ZFHX3: variants seen among roughly 807,000 people sequenced by gnomAD.
ZFHX3 encodes zinc finger homeobox protein 3.
A neutral mutation model predicts 279.1 loss-of-function variants in ZFHX3; 42 were observed. That is an observed-to-expected ratio of 0.15 (90% CI 0.12 to 0.19). The LOEUF is 0.19. Among genes scored for constraint, ZFHX3 ranks in the 10% least tolerant of loss-of-function variants. The pLI, the probability that ZFHX3 is intolerant of heterozygous loss-of-function variation, is 1.00. For missense variants in ZFHX3, 4,981 were observed against 4,754.0 expected (o/e 1.05, Z -1.40); for synonymous variants, 2,293 against 1,957.8 (o/e 1.17, Z -4.52).
intron 1 of ZFHX3, among the ~76,000 whole-genome samples, chr16:73,708,879 A>C (rs1320135562): frequency 6.6e-6 from 1 of 152,230 alleles, no homozygotes; most frequent in Non-Finnish European, 1.5e-5. Flanking sequence ...GAGAAAGAGC[A>C]TAACAAAGTC....
At chr16:73,625,493 T>A (rs1441906845) in intron 2 of ZFHX3, among the ~76,000 whole-genome samples, 1 of 152,238 alleles carries the variant, frequency 6.6e-6, no homozygotes, top group Non-Finnish European at 1.5e-5. Flanking sequence ...AGATATCCAT[T>A]ATGTATATAA....
chr16:73,442,517 C>G (rs1027850267), intron 3 of ZFHX3, among the ~76,000 whole-genome samples: 2 of 151,798 alleles, frequency 1.3e-5, no homozygotes, highest in African/African-American at 4.8e-5. Flanking sequence ...CTTTTGTGTG[C>G]GTAGTTAACC....
At chr16:73,666,822 T>C (rs1224957555) in intron 2 of ZFHX3, among the ~76,000 whole-genome samples, 1 of 151,898 alleles carries the variant, frequency 6.6e-6, no homozygotes, top group Non-Finnish European at 1.5e-5. Flanking sequence ...CTTTACCTGG[T>C]TTTGCTTTTT....
At chr16:73,376,632 G>T (rs1329662529) in intron 3 of ZFHX3, among the ~76,000 whole-genome samples, 4 of 152,144 alleles carry the variant, frequency 2.6e-5, no homozygotes, top group African/African-American at 9.7e-5. Flanking sequence ...TTAATTCATG[G>T]TGTTTATAAT....
At chr16:73,325,724 A>C (rs1331043274) in intron 3 of ZFHX3, among the ~76,000 whole-genome samples, 1 of 152,004 alleles carries the variant, frequency 6.6e-6, no homozygotes, top group Non-Finnish European at 1.5e-5. Flanking sequence ...AAGCCTTTTC[A>C]CCTCCAAGAA....
chr16:73,389,440 GTCTT>G (rs754669159), intron 3 of ZFHX3, among the ~76,000 whole-genome samples: 10 of 152,262 alleles, frequency 6.6e-5, no homozygotes, highest in Non-Finnish European at 1.0e-4. Context: ...TTGTCAAAAG[GTCTT>G]TCTCTTATCT....
At chr16:72,932,752 G>A (rs909349663) in intron 3 of ZFHX3, among the ~76,000 whole-genome samples, 2 of 151,474 alleles carry the variant, frequency 1.3e-5, no homozygotes, top group South Asian at 2.1e-4. Context: ...TAAAAATAAC[G>A]TCAGTTGTGT....
intron 1 of ZFHX3, among the ~76,000 whole-genome samples, chr16:73,885,834 G>C (rs1567440198): frequency 6.6e-6 from 1 of 152,068 alleles, no homozygotes; most frequent in Non-Finnish European, 1.5e-5. Flanking sequence ...AACACTGCAA[G>C]TCACTTTCAC....
intron 1 of ZFHX3, among the ~76,000 whole-genome samples, chr16:73,043,223 C>CCCCTCTGGAAA (rs1965178612): frequency 6.6e-6 from 1 of 152,292 alleles, no homozygotes; most frequent in Middle Eastern, 3.4e-3. Context: ...CCAGCTAAGG[C>CCCCTCTGGAAA]CCCTCTGGAA....
chr16:73,074,058 T>C (rs747806377), intron 8 of ZFHX3, among the ~76,000 whole-genome samples: 5 of 152,230 alleles, frequency 3.3e-5, no homozygotes, highest in Non-Finnish European at 7.3e-5. Flanking sequence ...TTATCAGTTT[T>C]TGTCAAACTA....
chr16:73,364,304 T>C (rs920837387), intron 3 of ZFHX3, among the ~76,000 whole-genome samples: 13 of 151,256 alleles, frequency 8.6e-5, no homozygotes, highest in Admixed American at 7.9e-4. Context: ...GTGTCTTTAA[T>C]TTTTTCCTGT....
chr16:73,240,328 C>T (rs1053765996), intron 5 of ZFHX3, among the ~76,000 whole-genome samples: 8 of 152,000 alleles, frequency 5.3e-5, no homozygotes, highest in Admixed American at 5.2e-4. Context: ...AAGTGATTCT[C>T]CAGCCTCAGC....
chr16:73,510,915 AC>A (rs541158716), intron 2 of ZFHX3, among the ~76,000 whole-genome samples: 95 of 152,340 alleles, frequency 6.2e-4, no homozygotes, highest in African/African-American at 2.1e-3. Flanking sequence ...CCTCTACCCT[AC>A]AGTCTATTCT....
In ZFHX3 at chr16:73,018,651, T is replaced by A. The variant is rs537312654; in HGVS notation, c.-50+29101A>T. Among the ~76,000 whole-genome samples the A allele has an allele frequency of 1.9e-4, 29 of 152,284 alleles. 1 individual carries two copies. The South Asian group carries it at 5.0e-3, about 26-fold the overall frequency. Reference sequence around the variant, plus strand: ...AATAATAAATGGCAAGAATTTTCTTTAATTGGCATTTTGTGGGGATTCACC... The same window carrying A: ...AATAATAAATGGCAAGAATTTTCTTAAATTGGCATTTTGTGGGGATTCACC... On this transcript the variant is annotated intron_variant, in intron 1 of 9. Transcript: ENST00000268489.
Position 72,958,241 on chromosome 16 carries a change from G to C in ZFHX3, c.1905C>G (p.Pro635=), listed in dbSNP as rs1309052897. ...TGGGGCACTCCACGCCACTCCCCGA[G>C]GGGCACTCCCCAACCCCAAGCTCGC... The part of the protein sequence containing the change: ...SLCELGVGEC[P]SGSGVECPKC... The change falls in exon 2 of 10, where the codon CCC becomes CCG. Residue 635 remains proline (P), a synonymous_variant. Transcript: ENST00000268489. 2 of 1,612,784 alleles carry C rather than the reference G, an allele frequency of 1.2e-6. No homozygotes were observed. Among genetic ancestry groups the C allele is most frequent in the Admixed American group, 1.7e-5 (1 of 59,982 alleles).
At chr16:73,466,213 G>A (rs2018568213) in intron 2 of ZFHX3, among the ~76,000 whole-genome samples, 1 of 152,122 alleles carries the variant, frequency 6.6e-6, no homozygotes, top group East Asian at 1.9e-4. Flanking sequence ...CAGGCACGGT[G>A]GCTCATGCCT....
At chr16:73,568,943 T>G (rs904206119) in intron 2 of ZFHX3, among the ~76,000 whole-genome samples, 2 of 152,064 alleles carry the variant, frequency 1.3e-5, no homozygotes, top group Non-Finnish European at 2.9e-5. Flanking sequence ...CAGAATGTCA[T>G]GTGCCTCCGG....
chr16:73,774,971 T>C (rs2054060415), intron 1 of ZFHX3, among the ~76,000 whole-genome samples: 1 of 152,192 alleles, frequency 6.6e-6, no homozygotes, highest in Non-Finnish European at 1.5e-5. Flanking sequence ...TCCAGGACCC[T>C]GGTCTAACCC....
intron 4 of ZFHX3, among the ~76,000 whole-genome samples, chr16:73,267,662 C>A (rs2014015505): frequency 6.6e-6 from 1 of 152,184 alleles, no homozygotes; most frequent in Admixed American, 6.5e-5. Flanking sequence ...CCTGCCAAAG[C>A]CCTCCATGGG....
Sources: gnomAD v4.1 joint callset for allele counts (sites outside exome capture counted in the v4.1 genomes callset) on GRCh38, gnomAD v4.1.1 for gene constraint, MANE v1.5 for transcripts, NCBI Gene and HGNC (gene_info 2026-07-23, HGNC 2026-07-21) for gene names.